The following TAFA4 variants were observed in gnomAD, a reference collection of about 807,000 sequenced individuals.
TAFA4 encodes chemokine-like protein TAFA-4.
A neutral mutation model predicts 21.1 loss-of-function variants in TAFA4; 20 were observed. That is an observed-to-expected ratio of 0.95 (90% confidence interval 0.67 to 1.38). The LOEUF (loss-of-function observed/expected upper bound fraction) is 1.38. Ranked by LOEUF, TAFA4 falls within the 40% of genes most tolerant of loss-of-function variation. The probability of loss-of-function intolerance (pLI) is 0.00; values close to 1 mark genes in which losing one functional copy is unlikely to be tolerated. For missense variants in TAFA4, 211 were observed against 180.9 expected, an observed-to-expected ratio of 1.17 and a Z score of -0.95; for synonymous variants, 71 against 67.4, an observed-to-expected ratio of 1.05 and a Z score of -0.26.
intron 3 of TAFA4, among the ~76,000 whole-genome samples, chr3:68,838,291 GTGCGCTAAC>G (rs1161223325): frequency 3.3e-5 from 5 of 152,086 alleles, no homozygotes; most frequent in African/African-American, 1.2e-4. Flanking sequence ...TGTTAATTAA[GTGCGCTAAC>G]TGAGCTACCA....
chr3:68,836,212 AAGG>A (rs1704519582), intron 3 of TAFA4, among the ~76,000 whole-genome samples: 1 of 152,216 alleles, frequency 6.6e-6, no homozygotes, highest in Non-Finnish European at 1.5e-5. Context: ...TCCCCATCAC[AAGG>A]AGATGGGGTT....
At chr3:68,927,759 G>A (rs1031148927) in intron 1 of TAFA4, among the ~76,000 whole-genome samples, 1 of 151,876 alleles carries the variant, frequency 6.6e-6, no homozygotes, top group African/African-American at 2.4e-5. Flanking sequence ...TTAGCTGGGC[G>A]TGATGGTGCA....
intron 3 of TAFA4, among the ~76,000 whole-genome samples, chr3:68,799,131 C>G (rs564398556): frequency 1.3e-5 from 2 of 152,238 alleles, no homozygotes; most frequent in South Asian, 4.1e-4. Context: ...ATGTTCACGT[C>G]CTAATTCCCA....
At chr3:68,905,910 T>C (rs2089896266) in intron 1 of TAFA4, among the ~76,000 whole-genome samples, 1 of 152,224 alleles carries the variant, frequency 6.6e-6, no homozygotes, top group Non-Finnish European at 1.5e-5. Flanking sequence ...CTTTGTTTCT[T>C]GCTAAACTGC....
intron 3 of TAFA4, among the ~76,000 whole-genome samples, chr3:68,756,322 AC>A (rs35085136): frequency 8.5e-5 from 13 of 152,172 alleles, no homozygotes; most frequent in Non-Finnish European, 1.5e-4. Flanking sequence ...TTTTTCAAGT[AC>A]CCTCAAGTGT....
In TAFA4 at chr3:68,856,651, A is replaced by G. The variant is rs138224222; in HGVS notation, c.130+24079T>C. On this transcript the variant is annotated intron_variant, in intron 3 of 5. Transcript: ENST00000295569. ...CCTTGAGATAAAAAGCAGATATTACAGGTTCCACTTTCGCTTCTAGCACTA... is the reference window on the plus strand; with the variant it reads ...CCTTGAGATAAAAAGCAGATATTACGGGTTCCACTTTCGCTTCTAGCACTA... Among the ~76,000 whole-genome samples, 29 of 152,254 alleles carry G rather than the reference A, an allele frequency of 1.9e-4. No individual in the cohort carries two copies. In the South Asian group the frequency reaches 2.7e-3, roughly 14 times the overall value.
At chr3:68,858,545 G>A (rs766639676) in intron 3 of TAFA4, among the ~76,000 whole-genome samples, 20 of 150,864 alleles carry the variant, frequency 1.3e-4, no homozygotes, top group Non-Finnish European at 2.2e-4. Context: ...ATATTTGACA[G>A]GTTAGCATGT....
intron 3 of TAFA4, among the ~76,000 whole-genome samples, chr3:68,842,211 G>T (rs958702615): frequency 1.3e-5 from 2 of 152,128 alleles, no homozygotes; most frequent in African/African-American, 4.8e-5. Context: ...AGCATCTGTT[G>T]TTTCCTGACT....
chr3:68,925,288 C>T (rs1043083244), intron 1 of TAFA4, among the ~76,000 whole-genome samples: 3 of 152,006 alleles, frequency 2.0e-5, no homozygotes, highest in Non-Finnish European at 2.9e-5. Context: ...GATGTGAAGC[C>T]GAGTTGCATA....
chr3:68,893,389 T>C (rs1293243155), intron 1 of TAFA4, among the ~76,000 whole-genome samples: 4 of 152,196 alleles, frequency 2.6e-5, no homozygotes, highest in Non-Finnish European at 5.9e-5. Context: ...GAGAATAATG[T>C]CTTATTTCTC....
intron 1 of TAFA4, among the ~76,000 whole-genome samples, chr3:68,911,344 T>C (rs983057364): frequency 2.6e-5 from 4 of 152,250 alleles, no homozygotes; most frequent in Non-Finnish European, 4.4e-5. Context: ...TAGAATCAAA[T>C]GTTCTTTTCC....
chr3:68,921,226 G>C (rs897261735), intron 1 of TAFA4, among the ~76,000 whole-genome samples: 1 of 152,084 alleles, frequency 6.6e-6, no homozygotes, highest in African/African-American at 2.4e-5. Context: ...CTCTGGAGAC[G>C]AAGGAGGTTA....
intron 4 of TAFA4, among the ~76,000 whole-genome samples, chr3:68,750,093 A>G (rs149377371): frequency 2.0e-5 from 3 of 152,308 alleles, no homozygotes; most frequent in Non-Finnish European, 2.9e-5. Context: ...AGTTAACCTG[A>G]GAGTCTGTTT....
chr3:68,789,176 A>G (rs1279137349), intron 3 of TAFA4, among the ~76,000 whole-genome samples: 2 of 151,106 alleles, frequency 1.3e-5, no homozygotes, highest in Admixed American at 6.6e-5. Flanking sequence ...GCTTACAGTG[A>G]GCTGGGATCG....
At chr3:68,799,621 G>GCT (rs1369679822) in intron 3 of TAFA4, among the ~76,000 whole-genome samples, 1 of 152,180 alleles carries the variant, frequency 6.6e-6, no homozygotes, top group Non-Finnish European at 1.5e-5. Flanking sequence ...GCTCCTTATA[G>GCT]GAAGAGGCAG....
chr3:68,734,413 C>G (rs1271374814), intron 5 of TAFA4, among the ~76,000 whole-genome samples: 1 of 151,886 alleles, frequency 6.6e-6, no homozygotes, highest in African/African-American at 2.4e-5. Flanking sequence ...GAAAGAAAGG[C>G]TGAGGCAGGG....
intron 3 of TAFA4, among the ~76,000 whole-genome samples, chr3:68,834,727 C>T (rs1347905275): frequency 1.3e-5 from 2 of 152,114 alleles, no homozygotes; most frequent in African/African-American, 2.4e-5. Context: ...CTCCTTGATT[C>T]CCCTCTTTCT....
chr3:68,871,180 AT>A (rs2089478833), intron 3 of TAFA4, among the ~76,000 whole-genome samples: 1 of 152,146 alleles, frequency 6.6e-6, no homozygotes, highest in African/African-American at 2.4e-5. Context: ...CAGAAATACC[AT>A]TTGACCCAGC....
intron 3 of TAFA4, among the ~76,000 whole-genome samples, chr3:68,788,873 C>G (rs995911097): frequency 6.6e-6 from 1 of 152,134 alleles, no homozygotes; most frequent in African/African-American, 2.4e-5. Context: ...ATCCTCCTAC[C>G]CTGGCCTTCC....
Sources: allele counts gnomAD v4.1 joint callset (sites outside exome capture counted in the v4.1 genomes callset), GRCh38; gene constraint gnomAD v4.1.1; transcripts MANE v1.5; gene names NCBI Gene and HGNC (gene_info 2026-07-23, HGNC 2026-07-21).